The following ZFP91 variants were observed in gnomAD, a reference collection of about 807,000 sequenced individuals.
ZFP91 encodes the protein E3 ubiquitin-protein ligase ZFP91.
Under a neutral mutation model 63.5 loss-of-function variants are expected in ZFP91, and 7 were observed. That is an observed-to-expected ratio of 0.11 (90% CI 0.06 to 0.21). The LOEUF (loss-of-function observed/expected upper bound fraction) is 0.21. Among genes scored for constraint, ZFP91 ranks in the 10% least tolerant of loss-of-function variants. ZFP91 has a pLI of 1.00. For synonymous variants in ZFP91, 330 were observed against 272.1 expected (o/e 1.21, Z -2.10); for missense variants, 628 against 736.6 (o/e 0.85, Z 1.71).
At chr11:58,591,356 T>G (rs1855302513) in intron 2 of ZFP91, among the ~76,000 whole-genome samples, 1 of 152,224 alleles carries the variant, frequency 6.6e-6, no homozygotes, top group African/African-American at 2.4e-5. Flanking sequence ...TTTAACTGTT[T>G]TACTGTTGAT....
intron 9 of ZFP91, among the ~76,000 whole-genome samples, chr11:58,615,157 G>A (rs746005484): frequency 6.6e-6 from 1 of 152,160 alleles, no homozygotes; most frequent in South Asian, 2.1e-4. Flanking sequence ...ATCAGTTATT[G>A]TAGGGATGAA....
chr11:58,591,124 C>G (rs890786329), intron 2 of ZFP91, among the ~76,000 whole-genome samples: 2 of 152,148 alleles, frequency 1.3e-5, no homozygotes, highest in Non-Finnish European at 2.9e-5. Flanking sequence ...TGGAAACTCC[C>G]TTATGCTCCT....
rs773343737 is a variant in ZFP91 at position 58,614,290 on chromosome 11, G to C, written c.1049G>C (p.Gly350Ala). 6.2e-7 allele frequency: 1 copy of C among 1,612,262 alleles called. No homozygotes were observed. Among genetic ancestry groups the C allele is most frequent in the South Asian group, 1.1e-5 (1 of 90,740 alleles). The part of the protein sequence containing the change: ...KKYVCPHPSC[G>A]RLFRLQKQLL... The stretch of plus-strand genomic sequence containing the variant: ...TATGTATGTCCCCATCCCTCCTGTG[G>C]ACGACTCTTCAGGCTTCAGAAGCAA... Residue 350 changes from glycine to alanine, a missense_variant, in exon 9 of 11, where the codon GGA (glycine) becomes GCA (alanine). Transcript: ENST00000316059.
chr11:58,616,655 G>A (rs143692033), intron 9 of ZFP91, 61 bp from the exon 10 acceptor site: 886 of 1,452,532 alleles, frequency 6.1e-4, no homozygotes, highest in Non-Finnish European at 7.8e-4. Flanking sequence ...CTTACTTACT[G>A]TAAGGGAAAA....
chr11:58,581,423 T>G (rs1321178085), intron 1 of ZFP91, among the ~76,000 whole-genome samples: 4 of 152,198 alleles, frequency 2.6e-5, no homozygotes, highest in Non-Finnish European at 4.4e-5. Flanking sequence ...AGTGCCACGA[T>G]GATCTCTGCA....
intron 2 of ZFP91, among the ~76,000 whole-genome samples, chr11:58,585,475 C>T (rs1793927878): frequency 6.6e-6 from 1 of 152,064 alleles, no homozygotes; most frequent in African/African-American, 2.4e-5. Flanking sequence ...GTTGCTTATT[C>T]GTTTCATTTT....
At chr11:58,611,530 A>G (rs949118828) in intron 5 of ZFP91, 74 bp from the exon 6 acceptor site, 7 of 1,531,762 alleles carry the variant, frequency 4.6e-6, no homozygotes, top group African/African-American at 2.8e-5. Context: ...TGATAACTCT[A>G]AGCTTTAATT....
intron 2 of ZFP91, among the ~76,000 whole-genome samples, chr11:58,593,405 C>T (rs576965366): frequency 5.5e-4 from 84 of 152,116 alleles, no homozygotes; most frequent in Non-Finnish European, 9.4e-4. Context: ...AACGTGTTCT[C>T]AATATTAGTG....
At chr11:58,586,911 T>C (rs928435835) in intron 2 of ZFP91, among the ~76,000 whole-genome samples, 1 of 152,156 alleles carries the variant, frequency 6.6e-6, no homozygotes, top group Admixed American at 6.5e-5. Flanking sequence ...CCTTCTGTTA[T>C]ATTAATGCTG....
intron 2 of ZFP91, among the ~76,000 whole-genome samples, chr11:58,604,176 C>T (rs1855534477): frequency 6.6e-6 from 1 of 152,116 alleles, no homozygotes. Context: ...TAAATATGAA[C>T]TTATTTGGAA....
At chr11:58,580,394 T>G (rs772182789) in intron 1 of ZFP91, among the ~76,000 whole-genome samples, 2 of 152,220 alleles carry the variant, frequency 1.3e-5, no homozygotes, top group South Asian at 2.1e-4. Flanking sequence ...GAGCATTGTC[T>G]TAAATTGTTC....
At chr11:58,582,934 C>T (rs1290443152) in intron 1 of ZFP91, among the ~76,000 whole-genome samples, 1 of 152,032 alleles carries the variant, frequency 6.6e-6, no homozygotes, top group Non-Finnish European at 1.5e-5. Context: ...GCATAGAAAG[C>T]TAGTAGGAAA....
At chr11:58,585,008 G>A (rs1855181494) in intron 2 of ZFP91, 124 bp downstream of exon 2, 2 of 718,140 alleles carry the variant, frequency 2.8e-6, no homozygotes, top group South Asian at 7.5e-5. Flanking sequence ...AAAAATTACT[G>A]GAGTTAGAAA....
chr11:58,579,698 TACTCCACGTGACATCC>T (rs1444954299), intron 1 of ZFP91, 76 bp downstream of exon 1: 2 of 1,344,286 alleles, frequency 1.5e-6, no homozygotes, highest in African/African-American at 3.1e-5. Context: ...CCGTAGCGCC[TACTCCACGTGACATCC>T]TGCCTGGTCT....
chr11:58,613,400 G>A (rs916858650), intron 8 of ZFP91, among the ~76,000 whole-genome samples: 5 of 152,168 alleles, frequency 3.3e-5, no homozygotes, highest in East Asian at 1.9e-4. Flanking sequence ...ATTAGGTCCC[G>A]CCTTCCAACA....
intron 2 of ZFP91, among the ~76,000 whole-genome samples, chr11:58,594,562 T>C (rs950347786): frequency 1.3e-5 from 2 of 152,240 alleles, no homozygotes; most frequent in African/African-American, 4.8e-5. Context: ...ATTTTTGTTT[T>C]GCTCCAAAAT....
chr11:58,618,670 C>T lies in ZFP91; in HGVS notation c.*964C>T, dbSNP rs1565028009. 2.2e-6 allele frequency: 1 copy of T among 456,538 alleles called. No individual in the cohort carries two copies. Among genetic ancestry groups the T allele is most frequent in the East Asian group, 7.0e-5 (1 of 14,370 alleles). The allele number at this position is 456,538 out of a possible 1,614,324, so 28.3% of individuals were successfully genotyped here. Reference sequence around the variant, plus strand: ...CATGGGATCCCTTCCATAACAGGTACTTTGAAGGCAAGACATAGGGTTGAA... The same window carrying T: ...CATGGGATCCCTTCCATAACAGGTATTTTGAAGGCAAGACATAGGGTTGAA... On this transcript the variant is annotated 3_prime_UTR_variant, in exon 11 of 11. Transcript: ENST00000316059.
At chr11:58,606,977 C>T (rs745629835) in intron 2 of ZFP91, among the ~76,000 whole-genome samples, 1 of 151,826 alleles carries the variant, frequency 6.6e-6, no homozygotes, top group African/African-American at 2.4e-5. Flanking sequence ...GGGACGGGAG[C>T]AGTAGTATTC....
At chr11:58,606,166 A>G (rs1855567134) in intron 2 of ZFP91, among the ~76,000 whole-genome samples, 1 of 152,012 alleles carries the variant, frequency 6.6e-6, no homozygotes, top group African/African-American at 2.4e-5. Context: ...GGTTCAAGTG[A>G]TTCTCCTACC....
Sources: allele counts gnomAD v4.1 joint callset (sites outside exome capture counted in the v4.1 genomes callset), GRCh38; gene constraint gnomAD v4.1.1; transcripts MANE v1.5; gene names NCBI Gene and HGNC (gene_info 2026-07-23, HGNC 2026-07-21).